MAP3K20: variants seen among roughly 807,000 people sequenced by gnomAD.
MAP3K20 encodes the protein mitogen-activated protein kinase kinase kinase 20.
A neutral mutation model predicts 85.7 loss-of-function variants in MAP3K20; 40 were observed. The observed-to-expected ratio is 0.47, with a 90% CI of 0.36 to 0.61. MAP3K20 has a LOEUF of 0.61. MAP3K20 is among the 20% of genes least tolerant of loss of function. MAP3K20 has a pLI of 0.00. For synonymous variants in MAP3K20, 325 were observed against 327.7 expected (o/e 0.99, Z 0.09); for missense variants, 817 against 961.7 (o/e 0.85, Z 1.99).
intron 2 of MAP3K20, among the ~76,000 whole-genome samples, chr2:173,099,817 A>G (rs1480762067): frequency 1.3e-5 from 2 of 152,216 alleles, no homozygotes; most frequent in Non-Finnish European, 2.9e-5. Context: ...TCATGTGAAC[A>G]TGCTATGTCT....
intron 1 of MAP3K20, among the ~76,000 whole-genome samples, chr2:173,079,886 TTTTC>T (rs1258993022): frequency 6.6e-6 from 1 of 150,804 alleles, no homozygotes; most frequent in Non-Finnish European, 1.5e-5. Context: ...CCTCAGTTAA[TTTTC>T]TTTTTTTTTT....
At chr2:173,242,710 T>C (rs941171476) in intron 16 of MAP3K20, among the ~76,000 whole-genome samples, 2 of 144,406 alleles carry the variant, frequency 1.4e-5, no homozygotes, top group Non-Finnish European at 3.0e-5. Context: ...TTTTTTTTTT[T>C]TTTTTTTTTT....
chr2:173,231,237 C>T (rs1201066493), intron 12 of MAP3K20, among the ~76,000 whole-genome samples: 1 of 152,188 alleles, frequency 6.6e-6, no homozygotes, highest in African/African-American at 2.4e-5. Context: ...CAGGCATTTC[C>T]CTCTCTGCCC....
chr2:173,263,785 C>T lies in MAP3K20; in HGVS notation c.1592C>T (p.Ser531Leu), dbSNP rs3769148. Residue 531 changes from serine (S) to leucine (L), a missense_variant, in exon 19 of 20, where the codon TCG becomes TTG. Ser to Leu is a moderately radical substitution (Grantham distance 145, BLOSUM62 -2). Transcript: ENST00000375213. ...RTPKSTKHVH[S>L]IQWSRTKPQD... Reference sequence around the variant, plus strand: ...CCAAAAAGCACTAAACATGTCCATTCGATTCAGTGGAGTAGAACAAAACCT... The same window carrying T: ...CCAAAAAGCACTAAACATGTCCATTTGATTCAGTGGAGTAGAACAAAACCT... The T allele has an allele frequency of 0.45, 725,783 of 1,611,730 alleles. 175,238 individuals are homozygous for T. Among genetic ancestry groups the T allele is most frequent in the Non-Finnish European group, 0.51 (595,871 of 1,179,162 alleles).
chr2:173,178,323 A>G (rs1169189345), intron 3 of MAP3K20, among the ~76,000 whole-genome samples: 1 of 152,216 alleles, frequency 6.6e-6, no homozygotes, highest in East Asian at 1.9e-4. Flanking sequence ...TTATCAAAAC[A>G]GAAGATCTGA....
At chr2:173,230,717 C>T (rs1451705204) in intron 12 of MAP3K20, among the ~76,000 whole-genome samples, 2 of 152,072 alleles carry the variant, frequency 1.3e-5, no homozygotes, top group Non-Finnish European at 2.9e-5. Context: ...AACTCAGAGA[C>T]TAGGTTGGGC....
chr2:173,187,633 TTA>T lies in MAP3K20; in HGVS notation c.415+12_415+13del. On this transcript the variant is annotated intron_variant, in intron 5 of 19. Transcript: ENST00000375213. Reference sequence around the variant, plus strand: ...CTCAAGTCAAGAAACGGTAATGTAGTTATGTTTTTATTTTACCTATTTTATTA... The same window carrying T: ...CTCAAGTCAAGAAACGGTAATGTAGTTGTTTTTATTTTACCTATTTTATTA... 6.3e-7 allele frequency: 1 copy of T among 1,598,410 alleles called. No homozygotes were observed. Among genetic ancestry groups the T allele is most frequent in the Non-Finnish European group, 8.5e-7 (1 of 1,174,074 alleles).
intron 2 of MAP3K20, among the ~76,000 whole-genome samples, chr2:173,094,077 C>T (rs937131864): frequency 6.6e-6 from 1 of 151,736 alleles, no homozygotes; most frequent in South Asian, 2.1e-4. Flanking sequence ...CAGCATGGCA[C>T]GTGTATACAT....
intron 2 of MAP3K20, among the ~76,000 whole-genome samples, chr2:173,112,626 C>T (rs1324079599): frequency 2.0e-5 from 3 of 152,044 alleles, no homozygotes; most frequent in Non-Finnish European, 2.9e-5. Context: ...AATCATAAAG[C>T]GATGCTGGAT....
At chr2:173,134,528 C>G (rs1574045148) in intron 2 of MAP3K20, among the ~76,000 whole-genome samples, 1 of 145,498 alleles carries the variant, frequency 6.9e-6, no homozygotes, top group African/African-American at 2.6e-5. Flanking sequence ...TGTCCTCCTC[C>G]CAAAGTGCTG....
chr2:173,090,636 A>G (rs1292337139), intron 1 of MAP3K20: 1 of 994,474 alleles, frequency 1.0e-6, no homozygotes. Flanking sequence ...CTTGCTGTGG[A>G]AAGCATGCTT....
intron 10 of MAP3K20, 110 bp downstream of exon 10, chr2:173,209,945 G>A: frequency 3.0e-6 from 3 of 985,114 alleles, no homozygotes; most frequent in Middle Eastern, 2.1e-4. Context: ...TCTGACCATA[G>A]CTTAGGGAAA....
intron 1 of MAP3K20, among the ~76,000 whole-genome samples, chr2:173,083,390 G>A (rs975277982): frequency 1.3e-5 from 2 of 151,072 alleles, no homozygotes; most frequent in Non-Finnish European, 2.9e-5. Flanking sequence ...GAGTCTCACT[G>A]TCACCCAGGC....
In MAP3K20 at chr2:173,199,411, A is replaced by AT. The variant is rs142114225; in HGVS notation, c.669+1301dup. Among the ~76,000 whole-genome samples, 185 of 152,372 alleles carry AT rather than the reference A, an allele frequency of 1.2e-3. 1 individual carries two copies. The highest frequency in any genetic ancestry group is 4.3e-3 in the African/African-American group (178 of 41,598). On this transcript the variant is annotated intron_variant, in intron 8 of 19. Transcript: ENST00000375213. ...GTTTCACAGGAGCTGTTCTGTTTTA[A>AT]TTAAAAGTGATAGTAATTCCTCATG...
intron 2 of MAP3K20, among the ~76,000 whole-genome samples, chr2:173,155,010 AT>A (rs1177345653): frequency 6.6e-6 from 1 of 152,178 alleles, no homozygotes; most frequent in Non-Finnish European, 1.5e-5. Context: ...AAGAAAAGTT[AT>A]TTTTTGGAGA....
chr2:173,114,566 G>T (rs1422668954), intron 2 of MAP3K20, among the ~76,000 whole-genome samples: 1 of 152,146 alleles, frequency 6.6e-6, no homozygotes, highest in African/African-American at 2.4e-5. Flanking sequence ...GAGATTTACA[G>T]CTCCTTTTAG....
chr2:173,100,872 T>C (rs1687617909), intron 2 of MAP3K20, among the ~76,000 whole-genome samples: 1 of 152,204 alleles, frequency 6.6e-6, no homozygotes, highest in South Asian at 2.1e-4. Context: ...ATGAACATAG[T>C]CATCATCCGG....
At position 173,203,824 on chromosome 2, in the gene MAP3K20, G is replaced by A. The variant is rs1314567089; in HGVS notation, c.698G>A (p.Arg233Lys). 1 of 1,613,884 alleles carries A rather than the reference G, an allele frequency of 6.2e-7. No individual in the cohort carries two copies. The highest frequency in any genetic ancestry group is 1.7e-5 in the Admixed American group (1 of 60,020). Residue 233 changes from arginine (R) to lysine (K), a missense_variant, in exon 9 of 20, where the codon AGA (arginine) becomes AAA (lysine). Transcript: ENST00000375213. ...ERLTIPSSCPRSFAELLHQCW... is the reference protein window; with the variant it reads ...ERLTIPSSCPKSFAELLHQCW... The stretch of plus-strand genomic sequence containing the variant: ...TTAACCATTCCAAGCAGTTGCCCCA[G>A]AAGTTTTGCTGAACTGTTACATCAG...
intron 2 of MAP3K20, among the ~76,000 whole-genome samples, chr2:173,097,278 C>A (rs937450501): frequency 2.0e-5 from 3 of 152,160 alleles, no homozygotes; most frequent in African/African-American, 7.2e-5. Context: ...ATTGCTTGAA[C>A]CCGGGAGGCA....
Sources: gnomAD v4.1 joint callset for allele counts (sites outside exome capture counted in the v4.1 genomes callset) on GRCh38, gnomAD v4.1.1 for gene constraint, MANE v1.5 for transcripts, NCBI Gene and HGNC (gene_info 2026-07-23, HGNC 2026-07-21) for gene names.